The following CNTN5 variants were observed in gnomAD, a reference collection of about 807,000 sequenced individuals.
CNTN5 encodes contactin 5.
CNTN5 carries 77 observed loss-of-function variants against 129.1 expected under a neutral mutation model. The observed-to-expected ratio is 0.60, with a 90% CI of 0.50 to 0.72. The LOEUF (loss-of-function observed/expected upper bound fraction) is 0.72, where lower values mean the gene tolerates loss of function less well. Among genes scored for constraint, CNTN5 ranks in the 30% least tolerant of loss-of-function variants. The pLI is 0.00. For synonymous variants in CNTN5, 509 were observed against 465.6 expected (o/e 1.09, Z -1.20); for missense variants, 1,478 against 1,328.8 (o/e 1.11, Z -1.75).
intron 1 of CNTN5, among the ~76,000 whole-genome samples, chr11:99,133,278 T>G (rs530032274): frequency 6.6e-6 from 1 of 151,962 alleles, no homozygotes. Context: ...AAGACTTAAA[T>G]GTAAAACCAA....
intron 6 of CNTN5, among the ~76,000 whole-genome samples, chr11:99,904,149 C>T (rs894073381): frequency 1.8e-4 from 28 of 152,092 alleles, no homozygotes; most frequent in African/African-American, 6.0e-4. Flanking sequence ...TTTTATTATA[C>T]GTTAAGTTCT....
At chr11:99,981,768 G>C (rs1565751201) in intron 8 of CNTN5, among the ~76,000 whole-genome samples, 1 of 152,126 alleles carries the variant, frequency 6.6e-6, no homozygotes, top group Admixed American at 6.5e-5. Context: ...ATCATTCTAT[G>C]CCATAAGTAT....
At chr11:99,910,886 C>G (rs1949641362) in intron 6 of CNTN5, among the ~76,000 whole-genome samples, 1 of 151,980 alleles carries the variant, frequency 6.6e-6, no homozygotes. Flanking sequence ...CCTGAATAAT[C>G]CTGATGATAG....
chr11:100,054,890 C>G (rs1171466944), intron 9 of CNTN5, among the ~76,000 whole-genome samples: 2 of 151,472 alleles, frequency 1.3e-5, no homozygotes, highest in Non-Finnish European at 3.0e-5. Context: ...GAAACTCAGT[C>G]CTGCTATTTT....
At chr11:100,223,252 T>G (rs935695316) in intron 15 of CNTN5, among the ~76,000 whole-genome samples, 2 of 152,024 alleles carry the variant, frequency 1.3e-5, no homozygotes, top group Non-Finnish European at 2.9e-5. Flanking sequence ...AACAATTATT[T>G]CATGAGAGAA....
At chr11:99,235,418 A>C (rs1039785607) in intron 1 of CNTN5, among the ~76,000 whole-genome samples, 3 of 152,136 alleles carry the variant, frequency 2.0e-5, no homozygotes, top group African/African-American at 7.2e-5. Context: ...CTGAGATGAA[A>C]GAAAAAATAT....
chr11:100,280,965 TA>T (rs545242782), intron 18 of CNTN5, among the ~76,000 whole-genome samples: 47 of 152,244 alleles, frequency 3.1e-4, no homozygotes, highest in Non-Finnish European at 4.9e-4. Flanking sequence ...AGAAAACTAG[TA>T]AAAAATCTAC....
chr11:99,867,534 A>G (rs1948388112), intron 6 of CNTN5, among the ~76,000 whole-genome samples: 1 of 152,156 alleles, frequency 6.6e-6, no homozygotes. Context: ...TAGATTTTCC[A>G]GTTTCTGGCT....
intron 1 of CNTN5, among the ~76,000 whole-genome samples, chr11:99,030,496 T>A (rs1863318422): frequency 6.6e-6 from 1 of 152,124 alleles, no homozygotes. Flanking sequence ...TTCTGGACAT[T>A]TTACTTTAAT....
intron 16 of CNTN5, among the ~76,000 whole-genome samples, chr11:100,248,546 T>TA (rs1591435353): frequency 6.6e-6 from 1 of 151,310 alleles, no homozygotes; most frequent in Non-Finnish European, 1.5e-5. Context: ...ACCATGTCTC[T>TA]AAAAAAAGAA....
In CNTN5 at chr11:100,002,134, C is replaced by A. The variant is rs748064252; in HGVS notation, c.978C>A (p.Gly326=). 2.6e-6 allele frequency: 4 copies of A among 1,535,500 alleles called. No individual in the cohort carries two copies. The highest frequency in any genetic ancestry group is 2.4e-5 in the East Asian group (1 of 41,126). The part of the protein sequence containing the change: ...TTVKMECFAL[G]NPVPTITWMK... ...TTAAGATGGAATGCTTTGCACTTGGCAAGTAAGTACATGTTCTTCCATAAT... is the reference window on the plus strand; with the variant it reads ...TTAAGATGGAATGCTTTGCACTTGGAAAGTAAGTACATGTTCTTCCATAAT... Residue 326 remains glycine (G), a splice_region_variant and synonymous_variant, in exon 9 of 25, where the codon GGC becomes GGA. Coordinates refer to ENST00000524871, the MANE Select transcript of CNTN5 (RefSeq NM_014361.4).
At chr11:99,377,781 G>A (rs759524195) in intron 2 of CNTN5, among the ~76,000 whole-genome samples, 38 of 91,170 alleles carry the variant, frequency 4.2e-4, no homozygotes, top group Admixed American at 1.6e-3. Flanking sequence ...GTACAGATTA[G>A]TTCCTCACTT....
At chr11:99,394,778 A>G (rs1448079872) in intron 2 of CNTN5, among the ~76,000 whole-genome samples, 1 of 151,792 alleles carries the variant, frequency 6.6e-6, no homozygotes, top group East Asian at 1.9e-4. Context: ...CCCAGTTATA[A>G]GTGATAACAT....
At chr11:99,701,754 C>G (rs1385082220) in intron 3 of CNTN5, among the ~76,000 whole-genome samples, 1 of 150,966 alleles carries the variant, frequency 6.6e-6, no homozygotes, top group Non-Finnish European at 1.5e-5. Flanking sequence ...TTTTTTAAAA[C>G]TCTACATTTA....
intron 3 of CNTN5, among the ~76,000 whole-genome samples, chr11:99,692,051 T>C (rs1192288296): frequency 1.3e-5 from 2 of 152,226 alleles, no homozygotes; most frequent in African/African-American, 2.4e-5. Flanking sequence ...TGTCAGAAAC[T>C]AGAATTGCAA....
intron 2 of CNTN5, among the ~76,000 whole-genome samples, chr11:99,411,136 A>G (rs1445267246): frequency 6.6e-6 from 1 of 152,216 alleles, no homozygotes; most frequent in Admixed American, 6.5e-5. Context: ...TTATTTTCAC[A>G]TATTTTCTAA....
intron 2 of CNTN5, among the ~76,000 whole-genome samples, chr11:99,380,131 GCTACT>G (rs2136156159): frequency 6.6e-6 from 1 of 151,118 alleles, no homozygotes; most frequent in East Asian, 2.0e-4. Context: ...TTAAATAAAT[GCTACT>G]CTTGAAAAAC....
At chr11:99,562,792 G>T (rs2135554670) in intron 3 of CNTN5, among the ~76,000 whole-genome samples, 1 of 151,830 alleles carries the variant, frequency 6.6e-6, no homozygotes, top group African/African-American at 2.4e-5. Flanking sequence ...CATTTACCTG[G>T]ATTCTTAATA....
At chr11:99,699,510 A>G (rs1393708352) in intron 3 of CNTN5, among the ~76,000 whole-genome samples, 2 of 151,518 alleles carry the variant, frequency 1.3e-5, no homozygotes, top group African/African-American at 4.8e-5. Context: ...ATCTACTTGT[A>G]CTTGAAAAAG....
Sources: gnomAD v4.1 joint callset for allele counts (sites outside exome capture counted in the v4.1 genomes callset) on GRCh38, gnomAD v4.1.1 for gene constraint, MANE v1.5 for transcripts, NCBI Gene and HGNC (gene_info 2026-07-23, HGNC 2026-07-21) for gene names.